SET: variants seen among roughly 807,000 people sequenced by gnomAD.
SET encodes protein SET.
SET carries 4 observed loss-of-function variants against 39.0 expected under a neutral mutation model. That is an observed-to-expected ratio of 0.10 (90% CI 0.05 to 0.23). The LOEUF is 0.23. Among genes scored for constraint, SET ranks in the 10% least tolerant of loss-of-function variants. The probability of loss-of-function intolerance (pLI) is 1.00; values close to 1 mark genes in which losing one functional copy is unlikely to be tolerated. For missense variants in SET, 137 were observed against 329.7 expected (o/e 0.42, Z 4.53); for synonymous variants, 114 against 115.9 (o/e 0.98, Z 0.11).
At chr9:128,693,582 G>C in intron 5 of SET, 56 bp from the exon 6 acceptor site, 1 of 1,484,650 alleles carries the variant, frequency 6.7e-7, no homozygotes, top group Non-Finnish European at 9.0e-7. Flanking sequence ...TTAAATTATA[G>C]GGAGTTTGGG....
chr9:128,691,058 G>A (rs1861515615), intron 1 of SET, 112 bp from the exon 2 acceptor site: 2 of 822,588 alleles, frequency 2.4e-6, no homozygotes, highest in South Asian at 2.8e-5. Context: ...GCTTGCCTTT[G>A]TACTAGGCGT....
intron 1 of SET, chr9:128,689,950 C>A: frequency 3.6e-6 from 2 of 554,526 alleles, no homozygotes; most frequent in Non-Finnish European, 4.6e-6. Flanking sequence ...CTCCCCCTCC[C>A]TCCCTCCCGA....
chr9:128,690,260 C>G lies in SET; in HGVS notation c.73+605C>G, dbSNP rs1029909918. The G allele has an allele frequency of 9.7e-4, 149 of 153,074 alleles. 1 individual carries two copies. The East Asian group carries it at 0.027, about 28-fold the overall frequency. 9.5% of individuals were successfully genotyped at this position (153,074 alleles called of 1,614,324 possible). The stretch of plus-strand genomic sequence containing the variant: ...CACTCCCCACGTGGGGCGGCCGCCC[C>G]GTCGCGCCAGCGTGCGGAGAAACCT... On this transcript the variant is annotated intron_variant, in intron 1 of 7. Coordinates refer to ENST00000322030, the MANE Select transcript of SET (RefSeq NM_003011.4).
chr9:128,688,435 G>A (rs1050046109), upstream of SET, among the ~76,000 whole-genome samples: 1 of 152,172 alleles, frequency 6.6e-6, no homozygotes, highest in Non-Finnish European at 1.5e-5. Flanking sequence ...GCTTGGGGCT[G>A]TTGTGAGGCC....
chr9:128,688,653 T>A (rs1057253122), upstream of SET, among the ~76,000 whole-genome samples: 6 of 152,218 alleles, frequency 3.9e-5, no homozygotes, highest in African/African-American at 1.4e-4. Context: ...GGGTACAAGC[T>A]TGCTGGGCAG....
At chr9:128,688,994 T>A (rs1015554774), upstream of SET, among the ~76,000 whole-genome samples, 1 of 151,342 alleles carries the variant, frequency 6.6e-6, no homozygotes, top group African/African-American at 2.4e-5. Context: ...CGCGCGCCAG[T>A]GTCCTGGGTC....
intron 1 of SET, chr9:128,690,353 C>T (rs1388169437): frequency 6.6e-6 from 1 of 152,586 alleles, no homozygotes; most frequent in African/African-American, 2.4e-5. Flanking sequence ...CTAGGAGGCT[C>T]TCGGCAGGGG....
rs1861626214 is a variant in SET at position 128,693,728 on chromosome 9, G to C, written c.583G>C (p.Asp195His). 3 of 1,613,668 alleles carry C rather than the reference G, an allele frequency of 1.9e-6. No homozygotes were observed. The highest frequency in any genetic ancestry group is 2.5e-6 in the Non-Finnish European group (3 of 1,180,008). The change falls in exon 6 of 8, where the codon GAC (aspartate) becomes CAC (histidine). Residue 195 changes from aspartate to histidine, a missense_variant. By Grantham distance (81) the Asp-to-His change is moderately conservative. Coordinates refer to ENST00000322030, the MANE Select transcript of SET (RefSeq NM_003011.4). ...EPESFFTWFTDHSDAGADELG... is the reference protein window; with the variant it reads ...EPESFFTWFTHHSDAGADELG... ...AGAGAGCTTCTTTACCTGGTTTACTGACCATTCTGATGCAGGTGCTGATGA... is the reference window on the plus strand; with the variant it reads ...AGAGAGCTTCTTTACCTGGTTTACTCACCATTCTGATGCAGGTGCTGATGA...
intron 7 of SET, 57 bp downstream of exon 7, chr9:128,694,099 T>C: frequency 7.6e-7 from 1 of 1,312,930 alleles, no homozygotes; most frequent in Non-Finnish European, 1.0e-6. Context: ...TCATGTTATT[T>C]TGGGGTGTAT....
At chr9:128,687,907 C>A (rs777774748), upstream of SET, among the ~76,000 whole-genome samples, 21 of 152,104 alleles carry the variant, frequency 1.4e-4, no homozygotes, top group Non-Finnish European at 2.4e-4. Flanking sequence ...AATTGGCCAG[C>A]GTATCACTAA....
intron 2 of SET, 119 bp from the exon 3 acceptor site, chr9:128,691,739 A>AT (rs1861542691): frequency 1.0e-6 from 1 of 953,904 alleles, no homozygotes. Flanking sequence ...GATAATGGTT[A>AT]TTATAATTTG....
At chr9:128,683,653 G>A (rs749359159), upstream of SET, 1 of 431,418 alleles carries the variant, frequency 2.3e-6, no homozygotes, top group African/African-American at 2.0e-5. Flanking sequence ...CCAAAGCCAA[G>A]AGTGCCCCTG....
intron 1 of SET, chr9:128,690,050 C>A: frequency 2.1e-6 from 2 of 971,460 alleles, no homozygotes; most frequent in Non-Finnish European, 2.5e-6. Flanking sequence ...CGGCCCCGCG[C>A]CCGACCTCCC....
At chr9:128,692,605 A>G (rs1243346375) in intron 3 of SET, 57 bp from the exon 4 acceptor site, 5 of 1,164,904 alleles carry the variant, frequency 4.3e-6, no homozygotes, top group East Asian at 2.3e-5. Flanking sequence ...GATCACTTAA[A>G]TTGTTGTTAG....
At chr9:128,688,877 CGCCCCGCTCCCGGT>C (rs1294723894), upstream of SET, among the ~76,000 whole-genome samples, 1 of 152,072 alleles carries the variant, frequency 6.6e-6, no homozygotes, top group African/African-American at 2.4e-5. Flanking sequence ...GGGTGGTGGG[CGCCCCGCTCCCGGT>C]GCCCCGCGGA....
chr9:128,685,196 T>G, upstream of SET: 1 of 1,601,028 alleles, frequency 6.2e-7, no homozygotes, highest in Non-Finnish European at 8.5e-7. Context: ...CTGCCCAGCT[T>G]GAAACCTACC....
upstream of SET, among the ~76,000 whole-genome samples, chr9:128,685,847 CA>C (rs1407647133): frequency 6.6e-6 from 1 of 152,174 alleles, no homozygotes; most frequent in East Asian, 1.9e-4. Context: ...GCCTGGCCAA[CA>C]TGGCTAAACC....
In SET at chr9:128,695,060, G is replaced by A. The variant is rs1861683467; in HGVS notation, c.*396G>A. On this transcript the variant is annotated 3_prime_UTR_variant, in exon 8 of 8. Coordinates refer to ENST00000322030, the MANE Select transcript of SET (RefSeq NM_003011.4). Reference sequence around the variant, plus strand: ...TTTTTTCCTCCTTTCTCTGTATATTGGGCTCAGAGAGTACACTGTGTCTCT... The same window carrying A: ...TTTTTTCCTCCTTTCTCTGTATATTAGGCTCAGAGAGTACACTGTGTCTCT... 1 of 232,692 alleles carries A rather than the reference G, an allele frequency of 4.3e-6. No homozygotes were observed. Among genetic ancestry groups the A allele is most frequent in the African/African-American group, 2.2e-5 (1 of 45,292 alleles). 14.4% of individuals were successfully genotyped at this position (232,692 alleles called of 1,614,324 possible).
chr9:128,695,454 A>G lies in SET; in HGVS notation c.*790A>G. On this transcript the variant is annotated 3_prime_UTR_variant, in exon 8 of 8. Transcript: ENST00000322030. Reference sequence around the variant, plus strand: ...TTAAATTTTCTTTTTGTTTCACTGGAAAGGAAAGATGATGCTCAGTTTTAA... The same window carrying G: ...TTAAATTTTCTTTTTGTTTCACTGGGAAGGAAAGATGATGCTCAGTTTTAA... 4.5e-6 allele frequency: 1 copy of G among 222,658 alleles called. No homozygotes were observed. Among genetic ancestry groups the G allele is most frequent in the Non-Finnish European group, 9.2e-6 (1 of 108,786 alleles). 13.8% of individuals were successfully genotyped at this position (222,658 alleles called of 1,614,324 possible). A position where few individuals can be genotyped will look rare whatever the true frequency, so the allele number is the denominator to read the frequency against.
Sources: gnomAD v4.1 joint callset for allele counts (sites outside exome capture counted in the v4.1 genomes callset) on GRCh38, gnomAD v4.1.1 for gene constraint, MANE v1.5 for transcripts, NCBI Gene and HGNC (gene_info 2026-07-23, HGNC 2026-07-21) for gene names.